BST1: variants seen among roughly 807,000 people sequenced by gnomAD.
BST1 encodes the protein bone marrow stromal cell antigen 1.
Under a neutral mutation model 40.6 loss-of-function variants are expected in BST1, and 49 were observed. The observed-to-expected ratio is 1.21, with a 90% CI of 0.96 to 1.53. The LOEUF is 1.53. Among genes scored for constraint, BST1 ranks in the 40% most tolerant of loss-of-function variants. The pLI is 0.00. For synonymous variants in BST1, 157 were observed against 159.3 expected (o/e 0.99, Z 0.11); for missense variants, 423 against 395.9 (o/e 1.07, Z -0.58).
rs561810382 is a variant in BST1, at chr4:15,715,777, C to T, written c.682C>T (p.His228Tyr). 2 of 1,592,720 alleles carry T rather than the reference C, an allele frequency of 1.3e-6. No homozygotes were observed. Among genetic ancestry groups the T allele is most frequent in the African/African-American group, 1.4e-5 (1 of 73,884 alleles). ...TACACGAATCGAGATCTGGGTTATGCATGAAATTGGGGGACCCAATGTGTA... is the reference window on the plus strand; with the variant it reads ...TACACGAATCGAGATCTGGGTTATGTATGAAATTGGGGGACCCAATGTGTA... ...KITRIEIWVM[H>Y]EIGGPNVESC... is the part of the protein sequence containing the mutation. Residue 228 changes from histidine to tyrosine, a missense_variant, in exon 6 of 9, where the codon CAT (histidine) becomes TAT (tyrosine). By Grantham distance (83) the His-to-Tyr change is moderately conservative (BLOSUM62 2). Transcript: ENST00000265016.
intron 4 of BST1, 42 bp downstream of exon 4, chr4:15,711,931 A>T (rs374726438): frequency 6.5e-7 from 1 of 1,546,954 alleles, no homozygotes; most frequent in Non-Finnish European, 8.9e-7. Flanking sequence ...CATGTGTGGG[A>T]CCCATAGAGA....
At chr4:15,752,589 T>C in the BST1 span, among the ~76,000 whole-genome samples, 1 of 151,958 alleles carries the variant, frequency 6.6e-6, no homozygotes, top group Non-Finnish European at 1.5e-5. Flanking sequence ...GGTTTCTCCA[T>C]GTTGGTCAGG....
chr4:15,755,848 A>G, the BST1 span, among the ~76,000 whole-genome samples: 32 of 152,196 alleles, frequency 2.1e-4, no homozygotes, highest in African/African-American at 7.7e-4. Flanking sequence ...CTTCACTCCA[A>G]TTTCAAATCA....
intron 3 of BST1, 110 bp from the exon 4 acceptor site, chr4:15,711,697 A>T: frequency 1.1e-6 from 1 of 881,088 alleles, no homozygotes; most frequent in Non-Finnish European, 1.9e-6. Context: ...TACACATTGT[A>T]CAGAATGGAA....
the BST1 span, among the ~76,000 whole-genome samples, chr4:15,755,331 G>C: frequency 5.9e-5 from 9 of 152,138 alleles, no homozygotes; most frequent in African/African-American, 2.2e-4. Flanking sequence ...TAGAGATGGG[G>C]TTTCACCATG....
chr4:15,739,327 G>A (rs930552115), downstream of BST1, among the ~76,000 whole-genome samples: 4 of 152,140 alleles, frequency 2.6e-5, no homozygotes, highest in Admixed American at 6.5e-5. Context: ...AAACGTATAT[G>A]TATTAAATCA....
chr4:15,730,975 T>C, intron 8 of BST1: 1 of 488,342 alleles, frequency 2.0e-6, no homozygotes, highest in Non-Finnish European at 3.3e-6. Flanking sequence ...ATATAGGCAC[T>C]GGGGCTTGCC....
the BST1 span, chr4:15,743,538 G>C: frequency 2.8e-6 from 1 of 356,288 alleles, no homozygotes; most frequent in Non-Finnish European, 5.5e-6. Context: ...TGTTAAGGAA[G>C]CTGAGGGCAA....
At chr4:15,709,762 G>A (rs566427269) in intron 3 of BST1, among the ~76,000 whole-genome samples, 1 of 151,920 alleles carries the variant, frequency 6.6e-6, no homozygotes, top group Non-Finnish European at 1.5e-5. Flanking sequence ...ATGGTGATGG[G>A]GTTTTTTATT....
intron 8 of BST1, chr4:15,731,255 C>G: frequency 2.0e-6 from 1 of 487,860 alleles, no homozygotes; most frequent in Non-Finnish European, 3.7e-6. Context: ...AGGACTGGGC[C>G]GAGGATTCGT....
chr4:15,707,008 T>G (rs1375048520), intron 2 of BST1, among the ~76,000 whole-genome samples: 6 of 152,182 alleles, frequency 3.9e-5, no homozygotes, highest in African/African-American at 1.4e-4. Flanking sequence ...GTGGAAACTA[T>G]AAAGTATAAT....
intron 8 of BST1, chr4:15,731,025 GT>G: frequency 1.7e-6 from 1 of 594,050 alleles, no homozygotes; most frequent in Non-Finnish European, 2.8e-6. Context: ...CATTCTGCCA[GT>G]TTTTCTGCCA....
downstream of BST1, chr4:15,736,142 G>T (rs138456036): frequency 4.0e-5 from 52 of 1,286,516 alleles, no homozygotes; most frequent in Middle Eastern, 6.4e-4. Flanking sequence ...GTAAATCATG[G>T]GTTTCAAACA....
downstream of BST1, among the ~76,000 whole-genome samples, chr4:15,741,559 GTGTCAATGGCCCATAGCAGGGGCCCATTC>G (rs1437053169): frequency 6.6e-6 from 1 of 152,184 alleles, no homozygotes; most frequent in Non-Finnish European, 1.5e-5. Context: ...TTGAGAGCAT[GTGTCAATGGCCCATAGCAGGGGCCCATTC>G]TGGCTTTTGT....
downstream of BST1, among the ~76,000 whole-genome samples, chr4:15,741,039 A>C (rs1195751704): frequency 6.6e-6 from 1 of 151,950 alleles, no homozygotes; most frequent in Non-Finnish European, 1.5e-5. Context: ...TTTACTGATG[A>C]TATTGATTAG....
At chr4:15,713,101 G>A (rs560133783) in intron 4 of BST1, among the ~76,000 whole-genome samples, 34 of 152,068 alleles carry the variant, frequency 2.2e-4, no homozygotes, top group Non-Finnish European at 3.2e-4. Flanking sequence ...CTCTGTAGTC[G>A]AAGCAAGAGG....
the BST1 span, among the ~76,000 whole-genome samples, chr4:15,762,463 A>C: frequency 1.4e-4 from 21 of 152,122 alleles, 1 homozygote; most frequent in African/African-American, 4.4e-4. Context: ...ATTAAAAATA[A>C]AGATTGAATA....
exon 7 of BST1, chr4:15,737,930 C>A: frequency 1.6e-6 from 1 of 632,718 alleles, no homozygotes; most frequent in Non-Finnish European, 2.5e-6. Flanking sequence ...CCTAGTCCAG[C>A]TCCGTCCACA....
At chr4:15,703,967 G>GGT (rs1470544025) in intron 1 of BST1, among the ~76,000 whole-genome samples, 2 of 144,366 alleles carry the variant, frequency 1.4e-5, no homozygotes, top group African/African-American at 5.2e-5. Context: ...AGAAGTGAGG[G>GGT]GTGTGTGTGT....
Sources: gnomAD v4.1 joint callset for allele counts (sites outside exome capture counted in the v4.1 genomes callset) on GRCh38, gnomAD v4.1.1 for gene constraint, MANE v1.5 for transcripts, NCBI Gene and HGNC (gene_info 2026-07-23, HGNC 2026-07-21) for gene names.